Variants in GTF2E2 observed in about 807,000 individuals in gnomAD.
GTF2E2 encodes the protein transcription initiation factor IIE subunit beta.
Under a neutral mutation model 40.5 loss-of-function variants are expected in GTF2E2, and 21 were observed. The ratio of observed to expected loss-of-function variants is 0.52; its 90% CI spans 0.37 to 0.75. The LOEUF (loss-of-function observed/expected upper bound fraction) is 0.75. GTF2E2 is among the 30% of genes least tolerant of loss of function. GTF2E2 has a pLI of 0.00. For synonymous variants in GTF2E2, 117 were observed against 121.6 expected (o/e 0.96, Z 0.25); for missense variants, 298 against 338.4 (o/e 0.88, Z 0.94).
chr8:30,656,309 CTGAAAGAAGGGAA>C (rs1338996437), intron 1 of GTF2E2, among the ~76,000 whole-genome samples: 1 of 152,116 alleles, frequency 6.6e-6, no homozygotes, highest in Non-Finnish European at 1.5e-5. Context: ...TGAGTTGGAT[CTGAAAGAAGGGAA>C]TGATTTACCG....
At chr8:30,627,448 CAA>C (rs71539905) in intron 3 of GTF2E2, among the ~76,000 whole-genome samples, 8 of 64,770 alleles carry the variant, frequency 1.2e-4, no homozygotes, top group African/African-American at 2.6e-4. Context: ...ACCTCTCTTG[CAA>C]AAAAAAAAAA....
intron 6 of GTF2E2, among the ~76,000 whole-genome samples, chr8:30,585,330 C>T (rs1489486598): frequency 1.3e-5 from 2 of 152,186 alleles, no homozygotes; most frequent in African/African-American, 4.8e-5. Context: ...CACCATCTAA[C>T]ACCCATCATA....
chr8:30,605,927 CTAGGAT>C, intron 6 of GTF2E2, among the ~76,000 whole-genome samples: 1 of 152,300 alleles, frequency 6.6e-6, no homozygotes, highest in Non-Finnish European at 1.5e-5. Flanking sequence ...TCTGAAAGTG[CTAGGAT>C]TAGAGGCATG....
intron 2 of GTF2E2, among the ~76,000 whole-genome samples, chr8:30,641,637 G>T (rs903592661): frequency 6.6e-6 from 1 of 152,302 alleles, no homozygotes; most frequent in East Asian, 1.9e-4. Context: ...GCACTTTTGG[G>T]AAGCCAAGGT....
chr8:30,582,317 G>A (rs1828538449), intron 6 of GTF2E2, among the ~76,000 whole-genome samples: 2 of 152,190 alleles, frequency 1.3e-5, no homozygotes, highest in Non-Finnish European at 2.9e-5. Flanking sequence ...GAGCCACCAT[G>A]TCTGGCCTAT....
intron 6 of GTF2E2, among the ~76,000 whole-genome samples, chr8:30,600,002 A>C (rs1050548793): frequency 2.0e-5 from 3 of 152,132 alleles, no homozygotes; most frequent in Non-Finnish European, 4.4e-5. Flanking sequence ...TAAATAAATA[A>C]TGATCTAAAA....
intron 2 of GTF2E2, among the ~76,000 whole-genome samples, chr8:30,646,357 C>T (rs1017756639): frequency 2.6e-5 from 4 of 152,034 alleles, no homozygotes; most frequent in Non-Finnish European, 4.4e-5. Context: ...CCCCTCCCCC[C>T]ATCCCCCCAA....
chr8:30,608,851 C>A (rs990424509), intron 5 of GTF2E2, among the ~76,000 whole-genome samples: 1 of 152,198 alleles, frequency 6.6e-6, no homozygotes, highest in African/African-American at 2.4e-5. Context: ...GTGGCTCACG[C>A]CATTCTCCTG....
intron 3 of GTF2E2, among the ~76,000 whole-genome samples, chr8:30,633,787 G>A (rs1801508098): frequency 6.6e-6 from 1 of 152,132 alleles, no homozygotes; most frequent in African/African-American, 2.4e-5. Flanking sequence ...CTTACCATGT[G>A]GGGGAATAAA....
intron 3 of GTF2E2, among the ~76,000 whole-genome samples, chr8:30,627,747 C>T (rs1801330685): frequency 6.6e-6 from 1 of 152,150 alleles, no homozygotes; most frequent in African/African-American, 2.4e-5. Flanking sequence ...AAATCTCTTG[C>T]TACATACAGA....
rs751991227 is a variant in GTF2E2, at chr8:30,614,656, T to A, written c.318A>T (p.Thr106=). The A allele has an allele frequency of 4.3e-6, 7 of 1,610,112 alleles. No individual in the cohort carries two copies. The highest frequency in any genetic ancestry group is 3.4e-6 in the Non-Finnish European group (4 of 1,176,502). The change falls in exon 4 of 8, where the codon ACA becomes ACT. Residue 106 remains threonine, a synonymous_variant. Transcript: ENST00000355904. ...GCTTGAGTCCAATATCTAAATGTTGTGTTTCATCCAAAATTTCATCTAAGG... is the reference window on the plus strand; with the variant it reads ...GCTTGAGTCCAATATCTAAATGTTGAGTTTCATCCAAAATTTCATCTAAGG... ...PLTLDEILDE[T]QHLDIGLKQK... is the part of the protein sequence containing the mutation.
intron 6 of GTF2E2, among the ~76,000 whole-genome samples, chr8:30,598,962 A>C (rs1051494755): frequency 1.3e-5 from 2 of 152,166 alleles, no homozygotes; most frequent in Non-Finnish European, 2.9e-5. Flanking sequence ...GTTCAAGACC[A>C]GTCTGGGCAA....
rs891266114 is a variant in GTF2E2, at chr8:30,629,390, T to C, written c.258+5642A>G. Among the ~76,000 whole-genome samples the C allele has an allele frequency of 2.2e-4, 33 of 152,128 alleles. No homozygotes were observed. The East Asian group carries it at 5.4e-3, about 25-fold the overall frequency. Reference sequence around the variant, plus strand: ...AAACTTCAGCATGTATCACAATCACTTGAAGGGCTTTTTTAAAAACAGACT... The same window carrying C: ...AAACTTCAGCATGTATCACAATCACCTGAAGGGCTTTTTTAAAAACAGACT... On this transcript the variant is annotated intron_variant, in intron 3 of 7. Coordinates refer to ENST00000355904, the MANE Select transcript of GTF2E2 (RefSeq NM_002095.6).
chr8:30,629,163 C>G (rs1049937385), intron 3 of GTF2E2, among the ~76,000 whole-genome samples: 5 of 152,004 alleles, frequency 3.3e-5, no homozygotes, highest in Admixed American at 2.6e-4. Flanking sequence ...AATTTTTATA[C>G]CTGTATTTAG....
chr8:30,610,203 G>A (rs1056503697), intron 5 of GTF2E2, among the ~76,000 whole-genome samples: 5 of 152,088 alleles, frequency 3.3e-5, no homozygotes, highest in African/African-American at 4.8e-5. Flanking sequence ...CCACCACTTT[G>A]GGAAGCCGAG....
intron 6 of GTF2E2, among the ~76,000 whole-genome samples, chr8:30,600,818 T>C (rs989870949): frequency 5.3e-5 from 8 of 152,202 alleles, no homozygotes; most frequent in Non-Finnish European, 8.8e-5. Flanking sequence ...ACTCTCTCCT[T>C]GAGCTAATTC....
At chr8:30,603,945 GT>G (rs1829251697) in intron 6 of GTF2E2, among the ~76,000 whole-genome samples, 1 of 152,050 alleles carries the variant, frequency 6.6e-6, no homozygotes, top group Admixed American at 6.6e-5. Context: ...AAAAAGAATG[GT>G]TTTGTAGAAA....
intron 3 of GTF2E2, among the ~76,000 whole-genome samples, chr8:30,619,623 A>G (rs2978275): frequency 0.81 from 122,817 of 151,822 alleles, 50,517 homozygotes; most frequent in African/African-American, 0.93. Flanking sequence ...TCCTGACCTC[A>G]TGATCTGGCC....
chr8:30,621,905 C>A (rs1471497983), intron 3 of GTF2E2, among the ~76,000 whole-genome samples: 2 of 151,814 alleles, frequency 1.3e-5, no homozygotes, highest in East Asian at 3.9e-4. Context: ...TTTTTCCTGA[C>A]CTAAAGAAAA....
Sources: allele counts gnomAD v4.1 joint callset (sites outside exome capture counted in the v4.1 genomes callset), GRCh38; gene constraint gnomAD v4.1.1; transcripts MANE v1.5; gene names NCBI Gene and HGNC (gene_info 2026-07-23, HGNC 2026-07-21).